The following TRAK1 variants were observed in gnomAD, a reference collection of about 807,000 sequenced individuals.
The protein encoded by TRAK1 is trafficking kinesin protein 1.
Under a neutral mutation model 92.1 loss-of-function variants are expected in TRAK1, and 33 were observed. That is an observed-to-expected ratio of 0.36 (90% CI 0.27 to 0.48). The LOEUF is 0.48. Among genes scored for constraint, TRAK1 ranks in the 20% least tolerant of loss-of-function variants. The probability of loss-of-function intolerance (pLI) is 0.99; values close to 1 mark genes in which losing one functional copy is unlikely to be tolerated. For synonymous variants in TRAK1, 521 were observed against 517.3 expected (o/e 1.01, Z -0.10); for missense variants, 1,123 against 1,257.9 (o/e 0.89, Z 1.62).
At chr3:42,136,872 AG>A (rs1559817533) in intron 2 of TRAK1, among the ~76,000 whole-genome samples, 1 of 152,074 alleles carries the variant, frequency 6.6e-6, no homozygotes, top group East Asian at 1.9e-4. Flanking sequence ...TAGTAAAGAC[AG>A]GGTTTCACCC....
chr3:42,184,264 A>G (rs533627859), intron 3 of TRAK1, among the ~76,000 whole-genome samples: 2 of 152,238 alleles, frequency 1.3e-5, no homozygotes, highest in African/African-American at 2.4e-5. Flanking sequence ...TAGAATTTCT[A>G]TATTTATTCA....
At chr3:42,164,002 G>C (rs569783899) in intron 2 of TRAK1, among the ~76,000 whole-genome samples, 2 of 152,310 alleles carry the variant, frequency 1.3e-5, no homozygotes, top group South Asian at 2.1e-4. Context: ...CATGAAAGAA[G>C]CAAGGCTGTG....
chr3:42,061,939 G>C (rs555881417), intron 1 of TRAK1, among the ~76,000 whole-genome samples: 1 of 152,306 alleles, frequency 6.6e-6, no homozygotes, highest in South Asian at 2.1e-4. Flanking sequence ...GGGAAACCAC[G>C]CCCTTCTAGG....
chr3:42,156,720 T>C (rs1700577382), intron 2 of TRAK1, among the ~76,000 whole-genome samples: 1 of 152,224 alleles, frequency 6.6e-6, no homozygotes, highest in Admixed American at 6.5e-5. Flanking sequence ...TTAAAACTGG[T>C]GGTCTCAAAG....
chr3:42,221,357 CT>C (rs1710329932), intron 15 of TRAK1, among the ~76,000 whole-genome samples: 1 of 152,116 alleles, frequency 6.6e-6, no homozygotes, highest in Admixed American at 6.5e-5. Context: ...ATCCCCACCC[CT>C]GAGCTTGTGT....
rs754404862 is a variant in TRAK1, at chr3:42,223,747, G to C, written c.*10G>C. 6 of 1,593,098 alleles carry C rather than the reference G, an allele frequency of 3.8e-6. No individual in the cohort carries two copies. In the South Asian group the frequency reaches 4.5e-5, roughly 12 times the overall value. On this transcript the variant is annotated 3_prime_UTR_variant, in exon 16 of 16. Transcript: ENST00000327628. The surrounding 1 kb of genome is among the most constrained non-coding windows in gnomAD (Gnocchi z 6.1). ...AACTAGCTTACGGTGAGGACTGGAG[G>C]GGGGCCGGTTGCCCTAGAGGAGACC...
chr3:42,218,201 A>T, intron 14 of TRAK1: 2 of 985,344 alleles, frequency 2.0e-6, no homozygotes, highest in Non-Finnish European at 2.4e-6. Context: ...TGTTTGTGTC[A>T]TCGGGTTCCT....
chr3:42,086,661 G>T (rs1159361305), upstream of TRAK1, among the ~76,000 whole-genome samples: 4 of 152,044 alleles, frequency 2.6e-5, no homozygotes, highest in East Asian at 7.7e-4. Flanking sequence ...TCTCACTGTA[G>T]CTTAAGGTAG....
At chr3:42,176,464 G>A (rs1443292432) in intron 2 of TRAK1, among the ~76,000 whole-genome samples, 1 of 152,178 alleles carries the variant, frequency 6.6e-6, no homozygotes, top group East Asian at 1.9e-4. Flanking sequence ...CACATGGGTG[G>A]CTGTGCTACT....
chr3:42,218,017 C>G (rs551272450), intron 14 of TRAK1: 1 of 985,182 alleles, frequency 1.0e-6, no homozygotes, highest in African/African-American at 1.7e-5. Context: ...CTCCTGTGGC[C>G]GTGGTGCTGG....
intron 2 of TRAK1, among the ~76,000 whole-genome samples, chr3:42,173,434 T>G (rs1315024378): frequency 6.6e-6 from 1 of 152,226 alleles, no homozygotes; most frequent in Non-Finnish European, 1.5e-5. Flanking sequence ...CACTCTTGCT[T>G]CCTTATTTCT....
At chr3:42,076,758 T>G (rs964502333) in intron 1 of TRAK1, among the ~76,000 whole-genome samples, 8 of 152,220 alleles carry the variant, frequency 5.3e-5, no homozygotes, top group African/African-American at 1.9e-4. Flanking sequence ...ATTTTTATAG[T>G]TTTAGCTTTT....
In TRAK1 at chr3:42,225,661, AAACG is replaced by A. The variant is rs754331458; in HGVS notation, c.*1925_*1928del. 2 of 152,250 alleles carry A rather than the reference AAACG, an allele frequency of 1.3e-5. No individual in the cohort carries two copies. The highest frequency in any genetic ancestry group is 2.4e-5 in the African/African-American group (1 of 41,466). 9.4% of individuals were successfully genotyped at this position (152,250 alleles called of 1,614,324 possible). A position where few individuals can be genotyped will look rare whatever the true frequency, so the allele number is the denominator to read the frequency against. Reference sequence around the variant, plus strand: ...GCAATACTTAGTATAGTAAATAAATAAACGGTCAACATTGTGCAACCACTACCAA... The same window carrying A: ...GCAATACTTAGTATAGTAAATAAATAGTCAACATTGTGCAACCACTACCAA... On this transcript the variant is annotated 3_prime_UTR_variant, in exon 16 of 16. Transcript: ENST00000327628.
rs928685074 is a variant in TRAK1 at position 42,222,837 on chromosome 3, C to T, written c.2067-105C>T. On this transcript the variant is annotated intron_variant, in intron 15 of 15. Coordinates refer to ENST00000327628, the MANE Select transcript of TRAK1 (RefSeq NM_001042646.3). ...GCCTCAGCTGGTGGAACCCTCTCAT[C>T]GTGTCCTGGGTCGTCCCTACCCCCC... 1.2e-4 allele frequency: 143 copies of T among 1,214,970 alleles called. 1 individual carries two copies. In the Admixed American group the frequency reaches 1.2e-3, roughly 11 times the overall value. 75.3% of individuals were successfully genotyped at this position (1,214,970 alleles called of 1,614,324 possible). A position where few individuals can be genotyped will look rare whatever the true frequency, so the allele number is the denominator to read the frequency against.
At chr3:42,182,212 C>G (rs1188045536) in intron 3 of TRAK1, among the ~76,000 whole-genome samples, 3 of 152,086 alleles carry the variant, frequency 2.0e-5, no homozygotes, top group Non-Finnish European at 4.4e-5. Context: ...AGAGGGCCGT[C>G]TCCACATGTA....
At chr3:42,018,429 A>G (rs1481650316) in intron 1 of TRAK1, among the ~76,000 whole-genome samples, 1 of 152,212 alleles carries the variant, frequency 6.6e-6, no homozygotes, top group Non-Finnish European at 1.5e-5. Flanking sequence ...GTTCCAGGAC[A>G]TTCAACAGGA....
intron 1 of TRAK1, among the ~76,000 whole-genome samples, chr3:42,069,439 T>C (rs554897333): frequency 5.3e-5 from 8 of 152,126 alleles, no homozygotes; most frequent in Non-Finnish European, 1.2e-4. Flanking sequence ...GACAAGTACC[T>C]AATAAGGAGG....
intron 13 of TRAK1, among the ~76,000 whole-genome samples, chr3:42,204,379 G>A (rs1235012845): frequency 1.3e-5 from 2 of 152,118 alleles, no homozygotes; most frequent in African/African-American, 4.8e-5. Flanking sequence ...TTGTGACTTG[G>A]CAGTATTTTT....
chr3:42,210,797 CA>C (rs1301832255), intron 14 of TRAK1: 1 of 985,358 alleles, frequency 1.0e-6, no homozygotes, highest in East Asian at 1.1e-4. Flanking sequence ...TAAGCTTTTC[CA>C]GAGAGAAGAC....
Sources: gnomAD v4.1 joint callset for allele counts (sites outside exome capture counted in the v4.1 genomes callset) on GRCh38, gnomAD v4.1.1 for gene constraint, Gnocchi (gnomAD v3.1) non-coding constraint, MANE v1.5 for transcripts, NCBI Gene and HGNC (gene_info 2026-07-23, HGNC 2026-07-21) for gene names.